The following NR3C2 variants were observed in gnomAD, a reference collection of about 807,000 sequenced individuals.
NR3C2 encodes mineralocorticoid receptor.
NR3C2 carries 15 observed loss-of-function variants against 86.4 expected under a neutral mutation model. The ratio of observed to expected loss-of-function variants is 0.17; its 90% confidence interval spans 0.12 to 0.27. NR3C2 has a LOEUF of 0.27. NR3C2 is among the 10% of genes least tolerant of loss of function. The pLI, the probability that NR3C2 is intolerant of heterozygous loss-of-function variation, is 1.00. For missense variants in NR3C2, 960 were observed against 1,195.6 expected, an observed-to-expected ratio of 0.80 and a Z score of 2.91; for synonymous variants, 458 against 450.5, an observed-to-expected ratio of 1.02 and a Z score of -0.21.
intron 7 of NR3C2, among the ~76,000 whole-genome samples, chr4:148,119,051 C>T (rs550211035): frequency 7.3e-4 from 111 of 152,242 alleles, no homozygotes; most frequent in Middle Eastern, 3.4e-3. Flanking sequence ...CAGCTTTGAT[C>T]CTGTCACCCC....
intron 8 of NR3C2, among the ~76,000 whole-genome samples, chr4:148,103,094 C>T (rs1021632456): frequency 7.2e-5 from 11 of 152,154 alleles, no homozygotes; most frequent in African/African-American, 2.7e-4. Context: ...ACTCCTTTGG[C>T]TTAGAATAGC....
At chr4:148,126,028 G>A (rs527555871) in intron 6 of NR3C2, among the ~76,000 whole-genome samples, 7 of 152,280 alleles carry the variant, frequency 4.6e-5, no homozygotes, top group African/African-American at 1.4e-4. Context: ...AACACAACAC[G>A]CATTTCATAC....
At chr4:148,160,057 A>G (rs1734587165) in intron 4 of NR3C2, among the ~76,000 whole-genome samples, 1 of 152,174 alleles carries the variant, frequency 6.6e-6, no homozygotes. Flanking sequence ...AATTAAACTC[A>G]CTTAAAAGAG....
chr4:148,424,468 T>C (rs916252126), intron 2 of NR3C2, among the ~76,000 whole-genome samples: 9 of 152,232 alleles, frequency 5.9e-5, no homozygotes, highest in African/African-American at 2.2e-4. Context: ...CATATGTCTA[T>C]GCAGATATTT....
At chr4:148,213,708 ATCT>A (rs1287229702) in intron 3 of NR3C2, among the ~76,000 whole-genome samples, 2 of 152,242 alleles carry the variant, frequency 1.3e-5, no homozygotes, top group Non-Finnish European at 2.9e-5. Context: ...TTAAAATAAA[ATCT>A]TCTTCAATGG....
chr4:148,288,840 C>T (rs1741658211), intron 2 of NR3C2, among the ~76,000 whole-genome samples: 1 of 152,036 alleles, frequency 6.6e-6, no homozygotes, highest in South Asian at 2.1e-4. Context: ...AGTGTTATGC[C>T]CCCTGCTTAA....
rs549756874 is a variant in NR3C2 at position 148,422,947 on chromosome 4, T to C, written c.1757+12157A>G. Reference sequence around the variant, plus strand: ...TAAACTCCTGTGTTTTTCTTTCCTATACTCCTTGGCAATCTACTTTTTGTG... The same window carrying C: ...TAAACTCCTGTGTTTTTCTTTCCTACACTCCTTGGCAATCTACTTTTTGTG... On this transcript the variant is annotated intron_variant, in intron 2 of 8. Transcript: ENST00000358102. 2.6e-5 allele frequency among the ~76,000 whole-genome samples: 4 copies of C among 152,326 alleles called. No homozygotes were observed. The South Asian group carries it at 6.2e-4, about 24-fold the overall frequency.
intron 6 of NR3C2, chr4:148,146,528 G>A (rs556103506): frequency 7.9e-5 from 12 of 152,548 alleles, no homozygotes; most frequent in East Asian, 1.9e-4. Flanking sequence ...CTGACCCAGC[G>A]ACTGGGGACA....
intron 2 of NR3C2, among the ~76,000 whole-genome samples, chr4:148,357,716 T>A (rs1745619356): frequency 6.6e-6 from 1 of 152,174 alleles, no homozygotes; most frequent in Non-Finnish European, 1.5e-5. Context: ...AATAATACCA[T>A]ATTATATTGA....
Position 148,154,688 on chromosome 4 carries a change from T to A in NR3C2, c.2228A>T (p.Glu743Val). 6.2e-7 allele frequency: 1 copy of A among 1,614,174 alleles called. No individual in the cohort carries two copies. The highest frequency in any genetic ancestry group is 1.3e-5 in the African/African-American group (1 of 75,054). ...ATATACAATTTCAGGTTCAATGTTT[T>A]CAAGGACCATAACGGGGGAAGGTGT... Reference protein sequence around the residue: ...ALTPSPVMVLENIEPEIVYAG... With the variant: ...ALTPSPVMVLVNIEPEIVYAG... The change falls in exon 5 of 9, where the codon GAA becomes GTA. Residue 743 changes from glutamate to valine, a missense_variant. This residue lies in a region of NR3C2 where 151 missense variants were observed against 296.3 expected (regional missense o/e 0.51). Transcript: ENST00000358102.
Position 148,094,524 on chromosome 4 carries a change from G to A in NR3C2, c.2800-13025C>T, listed in dbSNP as rs2149712023. ...AGATCAGGAATTTGAGACCAGCCTG[G>A]CCAACATGGTGAAACCCAGTCTCTA... On this transcript the variant is annotated intron_variant, in intron 8 of 8. Coordinates refer to ENST00000358102, the MANE Select transcript of NR3C2 (RefSeq NM_000901.5). Among the ~76,000 whole-genome samples, 2 of 152,192 alleles carry A rather than the reference G, an allele frequency of 1.3e-5. 1 individual carries two copies. Among genetic ancestry groups the A allele is most frequent in the South Asian group, 4.2e-4 (2 of 4,818 alleles).
chr4:148,443,222 CAAAAAAAAAAAAAAAAA>C (rs59506438), upstream of NR3C2, among the ~76,000 whole-genome samples: 42 of 40,990 alleles, frequency 1.0e-3, no homozygotes, highest in Admixed American at 2.5e-3. Flanking sequence ...CCCCTAACAC[CAAAAAAAAAAAAAAAAA>C]AAAAAAAAAA....
At position 148,427,019 on chromosome 4, in the gene NR3C2, G is replaced by T. The variant is rs1471320074; in HGVS notation, c.1757+8085C>A. Among the ~76,000 whole-genome samples, 6 of 151,828 alleles carry T rather than the reference G, an allele frequency of 4.0e-5. No individual in the cohort carries two copies. The Middle Eastern group carries it at 0.01, about 258-fold the overall frequency. On this transcript the variant is annotated intron_variant, in intron 2 of 8. Coordinates refer to ENST00000358102, the MANE Select transcript of NR3C2 (RefSeq NM_000901.5). ...CACCCAGGCTGAAGTGTAGTACACGGTCTCGGTTCACTGCAACGTCCACCT... is the reference window on the plus strand; with the variant it reads ...CACCCAGGCTGAAGTGTAGTACACGTTCTCGGTTCACTGCAACGTCCACCT...
chr4:148,256,523 C>T (rs1396723624), intron 3 of NR3C2, among the ~76,000 whole-genome samples: 1 of 152,138 alleles, frequency 6.6e-6, no homozygotes, highest in Non-Finnish European at 1.5e-5. Flanking sequence ...AACACTACTT[C>T]TCCATTTATA....
chr4:148,133,743 G>A (rs972585773), intron 6 of NR3C2, among the ~76,000 whole-genome samples: 5 of 152,140 alleles, frequency 3.3e-5, no homozygotes, highest in African/African-American at 1.2e-4. Context: ...ATAAAATCTG[G>A]GTGCACAATT....
intron 3 of NR3C2, among the ~76,000 whole-genome samples, chr4:148,207,531 T>C (rs1737066387): frequency 6.6e-6 from 1 of 152,212 alleles, no homozygotes; most frequent in African/African-American, 2.4e-5. Context: ...CAGCTGAAAC[T>C]CAGGACAAGA....
At chr4:148,441,118 G>A (rs886129004) in intron 1 of NR3C2, among the ~76,000 whole-genome samples, 3 of 152,188 alleles carry the variant, frequency 2.0e-5, no homozygotes, top group Admixed American at 1.3e-4. Flanking sequence ...GGGAGAACCA[G>A]TTAGAACTGA....
intron 6 of NR3C2, among the ~76,000 whole-genome samples, chr4:148,144,773 T>C (rs1448570979): frequency 6.6e-6 from 1 of 152,194 alleles, no homozygotes; most frequent in Non-Finnish European, 1.5e-5. Context: ...ACTTTTGTAG[T>C]ATAAAAACAC....
chr4:148,416,027 G>C (rs1347526410), intron 2 of NR3C2, among the ~76,000 whole-genome samples: 1 of 151,736 alleles, frequency 6.6e-6, no homozygotes, highest in African/African-American at 2.4e-5. Context: ...TCTGTCTATA[G>C]AGCTGCATAT....
Sources: gnomAD v4.1 joint callset for allele counts (sites outside exome capture counted in the v4.1 genomes callset) on GRCh38, gnomAD v4.1.1 for gene constraint, gnomAD v4.1.1 regional missense constraint, MANE v1.5 for transcripts, NCBI Gene and HGNC (gene_info 2026-07-23, HGNC 2026-07-21) for gene names.